PHF24: variants seen among roughly 807,000 people sequenced by gnomAD.
PHF24 encodes PHD finger protein 24.
Under a neutral mutation model 42.6 loss-of-function variants are expected in PHF24, and 25 were observed. The ratio of observed to expected loss-of-function variants is 0.59; its 90% CI spans 0.43 to 0.82. The LOEUF (loss-of-function observed/expected upper bound fraction) is 0.82, where lower values mean the gene tolerates loss of function less well. Ranked by LOEUF, PHF24 falls within the 40% of genes least tolerant of loss-of-function variation. The pLI, the probability that PHF24 is intolerant of heterozygous loss-of-function variation, is 0.00. For synonymous variants in PHF24, 185 were observed against 204.8 expected, an observed-to-expected ratio of 0.90 and a Z score of 0.83; for missense variants, 470 against 538.1, an observed-to-expected ratio of 0.87 and a Z score of 1.25.
chr9:34,811,354 G>A, the PHF24 span, among the ~76,000 whole-genome samples: 1 of 152,216 alleles, frequency 6.6e-6, no homozygotes, highest in African/African-American at 2.4e-5. Flanking sequence ...GGGCCTAATA[G>A]GTGATTAGGT....
chr9:34,890,120 A>C, the PHF24 span, among the ~76,000 whole-genome samples: 1 of 152,310 alleles, frequency 6.6e-6, no homozygotes, highest in African/African-American at 2.4e-5. Flanking sequence ...CATCTTAGCT[A>C]AACTAAAGTT....
chr9:34,949,323 G>A, the PHF24 span, among the ~76,000 whole-genome samples: 1 of 152,042 alleles, frequency 6.6e-6, no homozygotes, highest in Non-Finnish European at 1.5e-5. Flanking sequence ...AGTTAGATTG[G>A]TGATCTTTAA....
the PHF24 span, among the ~76,000 whole-genome samples, chr9:34,667,931 A>G: frequency 7.8e-3 from 1,189 of 152,248 alleles, 15 homozygotes; most frequent in African/African-American, 0.027. Flanking sequence ...AGGAAGTAAC[A>G]TGGTGAATGG....
At chr9:34,846,159 C>A in the PHF24 span, among the ~76,000 whole-genome samples, 2 of 152,112 alleles carry the variant, frequency 1.3e-5, no homozygotes, top group South Asian at 4.1e-4. Flanking sequence ...GTTCTAGATC[C>A]CTGAGGAATC....
chr9:34,784,273 G>A, the PHF24 span, among the ~76,000 whole-genome samples: 2 of 145,210 alleles, frequency 1.4e-5, no homozygotes, highest in Non-Finnish European at 3.1e-5. Flanking sequence ...TAAGACATGC[G>A]TGGGCAGGTA....
chr9:34,765,145 G>T, the PHF24 span, among the ~76,000 whole-genome samples: 1 of 151,802 alleles, frequency 6.6e-6, no homozygotes. Flanking sequence ...TGGAATAGGT[G>T]TGGTGTGGTG....
chr9:34,815,189 G>A, the PHF24 span, among the ~76,000 whole-genome samples: 9 of 152,310 alleles, frequency 5.9e-5, no homozygotes, highest in Non-Finnish European at 1.3e-4. Flanking sequence ...AGCATCAAGG[G>A]CATTAGCCTA....
the PHF24 span, among the ~76,000 whole-genome samples, chr9:34,787,667 T>C: frequency 6.6e-6 from 1 of 152,164 alleles, no homozygotes; most frequent in Non-Finnish European, 1.5e-5. Flanking sequence ...CCAACTGAAT[T>C]GAACATCTGC....
the PHF24 span, among the ~76,000 whole-genome samples, chr9:34,754,630 T>C: frequency 2.6e-5 from 4 of 152,150 alleles, no homozygotes; most frequent in Non-Finnish European, 4.4e-5. Flanking sequence ...TAAACCACTA[T>C]GGAGAATAGT....
chr9:34,922,353 G>C, the PHF24 span: 1 of 1,538,340 alleles, frequency 6.5e-7, no homozygotes, highest in Non-Finnish European at 9.0e-7. Context: ...CTTTGCAAGA[G>C]AGCAGGCTTT....
chr9:34,930,964 A>C, the PHF24 span, among the ~76,000 whole-genome samples: 1 of 152,174 alleles, frequency 6.6e-6, no homozygotes, highest in African/African-American at 2.4e-5. Flanking sequence ...GTGGGAGGTG[A>C]TTGGATCATG....
At chr9:34,729,515 T>C in the PHF24 span, 2 of 1,385,248 alleles carry the variant, frequency 1.4e-6, no homozygotes, top group Non-Finnish European at 1.9e-6. Context: ...TGCTAGGCCT[T>C]GTCATGTCCA....
chr9:34,956,938 C>T (rs1443989174), upstream of PHF24, among the ~76,000 whole-genome samples: 2 of 152,212 alleles, frequency 1.3e-5, no homozygotes, highest in Non-Finnish European at 2.9e-5. Context: ...GGTATGAAAT[C>T]AGAATACCTG....
At chr9:34,881,866 G>A in the PHF24 span, among the ~76,000 whole-genome samples, 3 of 152,162 alleles carry the variant, frequency 2.0e-5, no homozygotes, top group African/African-American at 7.2e-5. Context: ...ATTTGATGAG[G>A]CCAGCATCAT....
the PHF24 span, among the ~76,000 whole-genome samples, chr9:34,785,303 T>G: frequency 1.3e-5 from 2 of 152,184 alleles, no homozygotes; most frequent in East Asian, 3.8e-4. Flanking sequence ...TGTAAGGGCA[T>G]TAATCCGTTC....
At chr9:34,751,580 T>G in the PHF24 span, among the ~76,000 whole-genome samples, 2 of 152,098 alleles carry the variant, frequency 1.3e-5, no homozygotes, top group East Asian at 1.9e-4. Flanking sequence ...AAGAGAGAGA[T>G]AGATCCCAGT....
At chr9:34,922,985 G>A in the PHF24 span, 1 of 971,294 alleles carries the variant, frequency 1.0e-6, no homozygotes, top group South Asian at 2.1e-5. Flanking sequence ...TCTACCTGGG[G>A]GGTGCTGCTG....
the PHF24 span, among the ~76,000 whole-genome samples, chr9:34,875,363 C>A: frequency 6.6e-6 from 1 of 152,060 alleles, no homozygotes; most frequent in Non-Finnish European, 1.5e-5. Context: ...GTAAAATGAT[C>A]CTAAGGCTGT....
chr9:34,733,277 C>T, the PHF24 span, among the ~76,000 whole-genome samples: 1 of 151,658 alleles, frequency 6.6e-6, no homozygotes, highest in African/African-American at 2.4e-5. Flanking sequence ...CACCTTTTTG[C>T]TTCTTTTCTG....
Sources: allele counts gnomAD v4.1 joint callset (sites outside exome capture counted in the v4.1 genomes callset), GRCh38; gene constraint gnomAD v4.1.1; transcripts MANE v1.5; gene names NCBI Gene and HGNC (gene_info 2026-07-23, HGNC 2026-07-21).